The following RHEB variants were observed in gnomAD, a reference collection of about 807,000 sequenced individuals.
RHEB encodes the protein GTP-binding protein Rheb.
A neutral mutation model predicts 28.8 loss-of-function variants in RHEB; 2 were observed. The observed-to-expected ratio is 0.07, with a 90% confidence interval of 0.03 to 0.22. The LOEUF (loss-of-function observed/expected upper bound fraction) is 0.22, where lower values mean the gene tolerates loss of function less well. Among genes scored for constraint, RHEB ranks in the 10% least tolerant of loss-of-function variants. RHEB has a pLI of 1.00. For missense variants in RHEB, 76 were observed against 219.9 expected (o/e 0.35, Z 4.14); for synonymous variants, 69 against 77.3 (o/e 0.89, Z 0.56).
At chr7:151,514,415 G>T (rs139788925) in intron 1 of RHEB, among the ~76,000 whole-genome samples, 1 of 152,034 alleles carries the variant, frequency 6.6e-6, no homozygotes, top group South Asian at 2.1e-4. Flanking sequence ...GGACACCATC[G>T]AGAAGGTAAA....
chr7:151,508,634 G>GTT (rs35707066), intron 1 of RHEB, among the ~76,000 whole-genome samples: 2,658 of 142,812 alleles, frequency 0.019, 68 homozygotes, highest in African/African-American at 0.058. Flanking sequence ...TATATTTTTA[G>GTT]TTTTTTTTTT....
At chr7:151,486,956 TG>T (rs1451111253) in intron 2 of RHEB, among the ~76,000 whole-genome samples, 4 of 152,100 alleles carry the variant, frequency 2.6e-5, no homozygotes, top group African/African-American at 7.2e-5. Flanking sequence ...GGAAATGAGT[TG>T]GGTTTTAGGG....
chr7:151,506,170 T>C (rs1035649789), intron 1 of RHEB, among the ~76,000 whole-genome samples: 1 of 151,904 alleles, frequency 6.6e-6, no homozygotes, highest in African/African-American at 2.4e-5. Flanking sequence ...AGATTTTTTT[T>C]AAAAGATAAT....
At chr7:151,507,453 T>C (rs73154876) in intron 1 of RHEB, among the ~76,000 whole-genome samples, 2,092 of 152,302 alleles carry the variant, frequency 0.014, 42 homozygotes, top group Non-Finnish European at 0.017. Flanking sequence ...ACGATTCTAA[T>C]TGGAATACCA....
intron 3 of RHEB, among the ~76,000 whole-genome samples, chr7:151,478,189 C>A (rs1388779211): frequency 6.6e-6 from 1 of 152,172 alleles, no homozygotes; most frequent in Admixed American, 6.5e-5. Context: ...GCACGCGCCA[C>A]TGTCTGGTAC....
chr7:151,517,538 C>T (rs1204726073), intron 1 of RHEB, among the ~76,000 whole-genome samples: 1 of 151,722 alleles, frequency 6.6e-6, no homozygotes, highest in African/African-American at 2.4e-5. Flanking sequence ...TGTATCCCAC[C>T]GGAGACTAAG....
intron 1 of RHEB, among the ~76,000 whole-genome samples, chr7:151,505,182 GAA>G (rs1431229850): frequency 1.4e-5 from 2 of 139,392 alleles, no homozygotes; most frequent in Non-Finnish European, 1.6e-5. Flanking sequence ...AAAAAAAAAC[GAA>G]AAAGTGAACC....
chr7:151,505,869 C>G (rs777170837), intron 1 of RHEB, among the ~76,000 whole-genome samples: 5 of 152,084 alleles, frequency 3.3e-5, no homozygotes, highest in Non-Finnish European at 4.4e-5. Flanking sequence ...AAACATTATG[C>G]TAACTGACAT....
At chr7:151,502,223 TG>T in intron 1 of RHEB, 1 of 469,516 alleles carries the variant, frequency 2.1e-6, no homozygotes, top group Non-Finnish European at 3.8e-6. Context: ...GCGACAGAGC[TG>T]TCTCAAAAAA....
chr7:151,495,958 A>G (rs944438866), intron 1 of RHEB, among the ~76,000 whole-genome samples: 2 of 152,178 alleles, frequency 1.3e-5, no homozygotes, highest in Non-Finnish European at 2.9e-5. Flanking sequence ...GACTCCCTAC[A>G]AGCCCAGCAT....
intron 7 of RHEB, among the ~76,000 whole-genome samples, chr7:151,469,802 T>TA (rs1206490245): frequency 3.3e-5 from 5 of 151,998 alleles, no homozygotes; most frequent in African/African-American, 1.2e-4. Context: ...GAGAAGAAAC[T>TA]AGAAAAGAAC....
intron 1 of RHEB, 44 bp downstream of exon 1, chr7:151,519,415 AG>A: frequency 7.5e-7 from 1 of 1,341,202 alleles, no homozygotes; most frequent in Non-Finnish European, 9.7e-7. Context: ...CTCCCAGGCG[AG>A]GCCCCGGCGG....
chr7:151,479,480 A>G (rs888951788), intron 3 of RHEB, among the ~76,000 whole-genome samples: 6 of 152,150 alleles, frequency 3.9e-5, no homozygotes, highest in Admixed American at 2.0e-4. Flanking sequence ...CAGGAGATTC[A>G]TATCATCCTG....
chr7:151,479,238 G>C (rs1257708190), intron 3 of RHEB, among the ~76,000 whole-genome samples: 1 of 152,104 alleles, frequency 6.6e-6, no homozygotes, highest in African/African-American at 2.4e-5. Flanking sequence ...CTGAGTGTAG[G>C]GACAAGCCCA....
At chr7:151,474,488 A>T (rs1304181593) in intron 4 of RHEB, among the ~76,000 whole-genome samples, 1 of 152,102 alleles carries the variant, frequency 6.6e-6, no homozygotes, top group African/African-American at 2.4e-5. Flanking sequence ...GCCCTTAACT[A>T]ATGTTTTAAA....
At chr7:151,481,051 AG>A (rs1203985774) in intron 3 of RHEB, among the ~76,000 whole-genome samples, 2 of 152,260 alleles carry the variant, frequency 1.3e-5, no homozygotes, top group Non-Finnish European at 1.5e-5. Context: ...CTTGAGCAGT[AG>A]GATATAAATA....
chr7:151,504,757 G>C (rs982329672), intron 1 of RHEB, among the ~76,000 whole-genome samples: 3 of 152,054 alleles, frequency 2.0e-5, no homozygotes, highest in African/African-American at 4.8e-5. Context: ...AAGGGGTAGG[G>C]GGCTAACTAG....
chr7:151,504,844 C>G (rs1403081033), intron 1 of RHEB, among the ~76,000 whole-genome samples: 1 of 151,658 alleles, frequency 6.6e-6, no homozygotes, highest in Non-Finnish European at 1.5e-5. Context: ...TGCAGACTTG[C>G]CAAAACCTGT....
intron 7 of RHEB, among the ~76,000 whole-genome samples, chr7:151,469,189 T>C (rs964276066): frequency 3.3e-5 from 5 of 152,302 alleles, no homozygotes; most frequent in Middle Eastern, 3.4e-3. Flanking sequence ...CATCCGCACA[T>C]AAGAGGACAT....
Sources: allele counts gnomAD v4.1 joint callset (sites outside exome capture counted in the v4.1 genomes callset), GRCh38; gene constraint gnomAD v4.1.1; transcripts MANE v1.5; gene names NCBI Gene and HGNC (gene_info 2026-07-23, HGNC 2026-07-21).